Variants in UCK2 observed in about 807,000 individuals in gnomAD.
UCK2 encodes the protein cytidine monophosphokinase 2.
A neutral mutation model predicts 30.8 loss-of-function variants in UCK2; 6 were observed. The ratio of observed to expected loss-of-function variants is 0.19; its 90% confidence interval spans 0.11 to 0.38. UCK2 has a LOEUF of 0.38. Ranked by LOEUF, UCK2 falls within the 10% of genes least tolerant of loss-of-function variation. UCK2 has a pLI of 1.00. For synonymous variants in UCK2, 125 were observed against 133.6 expected (o/e 0.94, Z 0.45); for missense variants, 210 against 339.8 (o/e 0.62, Z 3.00).
chr1:165,903,113 C>T lies in UCK2; in HGVS notation c.500-69C>T, dbSNP rs1396996652. On this transcript the variant is annotated intron_variant, in intron 4 of 6. Transcript: ENST00000367879. ...GTGGAGCCTGTGGGAGCTAGGTCCA[C>T]CCCATGAAGGGCGGGTGTGTGCTGG... 5.7e-6 allele frequency: 7 copies of T among 1,234,986 alleles called. No individual in the cohort carries two copies. The African/African-American group carries it at 6.0e-5, about 11-fold the overall frequency. The allele number at this position is 1,234,986 out of a possible 1,614,324, so 76.5% of individuals were successfully genotyped here. A position where few individuals can be genotyped will look rare whatever the true frequency, so the allele number is the denominator to read the frequency against.
chr1:165,857,606 G>A (rs1654781256), intron 1 of UCK2, among the ~76,000 whole-genome samples: 1 of 152,168 alleles, frequency 6.6e-6, no homozygotes, highest in Non-Finnish European at 1.5e-5. Context: ...GTGCTGGGTG[G>A]CATTTCCAGA....
chr1:165,907,721 C>T lies in UCK2; in HGVS notation c.684C>T (p.Ile228=), dbSNP rs1293639714. ...TCATCGTGCAGCACATCCAGGACAT[C>T]CTGAATGGAGGGCCCTCCAAACGGC... is the stretch of plus-strand genomic sequence containing the variant. The part of the protein sequence containing the change: ...INLIVQHIQD[I]LNGGPSKRQT... The change falls in exon 7 of 7, where the codon ATC becomes ATT. Residue 228 remains isoleucine (I), a synonymous_variant. Transcript: ENST00000367879. 1.2e-6 allele frequency: 2 copies of T among 1,614,192 alleles called. No homozygotes were observed. Among genetic ancestry groups the T allele is most frequent in the Admixed American group, 1.7e-5 (1 of 60,030 alleles).
chr1:165,905,629 C>G (rs994314891), intron 5 of UCK2, among the ~76,000 whole-genome samples: 3 of 152,214 alleles, frequency 2.0e-5, no homozygotes, highest in African/African-American at 7.2e-5. Flanking sequence ...ACCATTTTCC[C>G]TCACTGATGC....
chr1:165,850,743 C>T (rs34800847), intron 1 of UCK2, among the ~76,000 whole-genome samples: 60,992 of 150,842 alleles, frequency 0.4, 13,487 homozygotes, highest in Non-Finnish European at 0.5. Flanking sequence ...CTCAGCCTCC[C>T]GAGTAGCTGA....
intron 1 of UCK2, among the ~76,000 whole-genome samples, chr1:165,840,359 G>A (rs998354213): frequency 2.0e-5 from 3 of 152,190 alleles, no homozygotes; most frequent in Non-Finnish European, 2.9e-5. Context: ...TAGCATATCT[G>A]TTACCTCACT....
Position 165,827,716 on chromosome 1 carries a change from G to A in UCK2, c.-118G>A. 1.1e-6 allele frequency: 1 copy of A among 937,852 alleles called. No homozygotes were observed. Among genetic ancestry groups the A allele is most frequent in the Non-Finnish European group, 1.4e-6 (1 of 708,604 alleles). 58.1% of individuals were successfully genotyped at this position (937,852 alleles called of 1,614,324 possible). On this transcript the variant is annotated 5_prime_UTR_variant, in exon 1 of 7. Transcript: ENST00000367879. ...AGCGGCTCGCAGGCGAGCGACAGCG[G>A]CCTCAGCCCCGGCAGCGCCCAGCGG...
At chr1:165,878,633 C>T (rs1334759793) in intron 1 of UCK2, among the ~76,000 whole-genome samples, 8 of 152,292 alleles carry the variant, frequency 5.3e-5, no homozygotes, top group African/African-American at 9.6e-5. Context: ...CGTAAGCCAC[C>T]GTGCCCGGCT....
intron 1 of UCK2, among the ~76,000 whole-genome samples, chr1:165,886,370 C>T (rs942055989): frequency 2.0e-5 from 3 of 152,156 alleles, no homozygotes; most frequent in African/African-American, 7.2e-5. Flanking sequence ...TCATGGCTCA[C>T]TGCAGCCTTG....
Position 165,907,998 on chromosome 1 carries a change from C to A in UCK2, c.*175C>A. The A allele has an allele frequency of 2.2e-6, 2 of 911,382 alleles. No individual in the cohort carries two copies. The highest frequency in any genetic ancestry group is 3.1e-6 in the Non-Finnish European group (2 of 639,050). 56.5% of individuals were successfully genotyped at this position (911,382 alleles called of 1,614,324 possible). On this transcript the variant is annotated 3_prime_UTR_variant, in exon 7 of 7. Coordinates refer to ENST00000367879, the MANE Select transcript of UCK2 (RefSeq NM_012474.5). ...TGTACTTTGGAACGACAAAATGAAA[C>A]AGAACTTGACCCTGAGCTTAAATAA...
At chr1:165,873,641 C>T (rs1371563725) in intron 1 of UCK2, among the ~76,000 whole-genome samples, 3 of 152,166 alleles carry the variant, frequency 2.0e-5, no homozygotes, top group Non-Finnish European at 4.4e-5. Flanking sequence ...CCTCCATATT[C>T]TCAACCCTTT....
chr1:165,908,433 C>CTTTT lies in UCK2; in HGVS notation c.*619_*622dup, dbSNP rs56051802. 2 of 123,806 alleles carry CTTTT rather than the reference C, an allele frequency of 1.6e-5. No individual in the cohort carries two copies. The highest frequency in any genetic ancestry group is 1.7e-5 in the Non-Finnish European group (1 of 58,942). 7.7% of individuals were successfully genotyped at this position (123,806 alleles called of 1,614,324 possible). The stretch of plus-strand genomic sequence containing the variant: ...CTCTTGTCTTTTTTTTTTTTCTTTT[C>CTTTT]TTTTTTTTTTTTGAGTTGAAATTAG... On this transcript the variant is annotated 3_prime_UTR_variant, in exon 7 of 7. Coordinates refer to ENST00000367879, the MANE Select transcript of UCK2 (RefSeq NM_012474.5).
rs1408160723 is a variant in UCK2, at chr1:165,910,197, C to G, written c.*2374C>G. Reference sequence around the variant, plus strand: ...ACAAGGAAGGGATGGAAGGCTCTACCCCTCCGTGGCAGCCCAGCATTTGGC... The same window carrying G: ...ACAAGGAAGGGATGGAAGGCTCTACGCCTCCGTGGCAGCCCAGCATTTGGC... On this transcript the variant is annotated 3_prime_UTR_variant, in exon 7 of 7. Transcript: ENST00000367879. 2.0e-5 allele frequency: 3 copies of G among 152,216 alleles called. No homozygotes were observed. In the East Asian group the frequency reaches 5.8e-4, roughly 29 times the overall value. The allele number at this position is 152,216 out of a possible 1,614,324, so 9.4% of individuals were successfully genotyped here. A position where few individuals can be genotyped will look rare whatever the true frequency, so the allele number is the denominator to read the frequency against.
At chr1:165,836,227 TCAAAACAAAAAA>T (rs1654187463) in intron 1 of UCK2, among the ~76,000 whole-genome samples, 2 of 146,990 alleles carry the variant, frequency 1.4e-5, no homozygotes, top group Non-Finnish European at 2.9e-5. Flanking sequence ...AGACTCCGTC[TCAAAACAAAAAA>T]CAAAACAAAA....
intron 1 of UCK2, among the ~76,000 whole-genome samples, chr1:165,855,334 A>G (rs1338122926): frequency 3.3e-5 from 5 of 152,172 alleles, no homozygotes; most frequent in Non-Finnish European, 5.9e-5. Context: ...ATTTTGCAGC[A>G]AAGATGTCCC....
At chr1:165,828,434 A>G (rs1200499229) in intron 1 of UCK2, among the ~76,000 whole-genome samples, 1 of 152,144 alleles carries the variant, frequency 6.6e-6, no homozygotes, top group Non-Finnish European at 1.5e-5. Flanking sequence ...GGAACGCGCG[A>G]GGCGGCATCC....
rs1420259350 is a variant in UCK2, at chr1:165,903,000, A to AATGT, written c.500-180_500-177dup. On this transcript the variant is annotated intron_variant, in intron 4 of 6. Transcript: ENST00000367879. ...AAGTTTGACCATTGTAAGATGTCAGAATGTAACTTGTCTTTTCCGAAGCCG... is the reference window on the plus strand; with the variant it reads ...AAGTTTGACCATTGTAAGATGTCAGAATGTATGTAACTTGTCTTTTCCGAAGCCG... 6 of 461,244 alleles carry AATGT rather than the reference A, an allele frequency of 1.3e-5. No individual in the cohort carries two copies. The Admixed American group carries it at 1.9e-4, about 15-fold the overall frequency. 28.6% of individuals were successfully genotyped at this position (461,244 alleles called of 1,614,324 possible).
chr1:165,877,841 T>C (rs540519209), intron 1 of UCK2, among the ~76,000 whole-genome samples: 2 of 152,192 alleles, frequency 1.3e-5, no homozygotes, highest in South Asian at 2.1e-4. Flanking sequence ...TAAAGAGCAG[T>C]TTTAGGTTCC....
At chr1:165,875,216 C>T (rs967010775) in intron 1 of UCK2, among the ~76,000 whole-genome samples, 1 of 152,100 alleles carries the variant, frequency 6.6e-6, no homozygotes, top group Non-Finnish European at 1.5e-5. Context: ...GGTATGGTTA[C>T]CTGCAGTTTA....
chr1:165,887,892 A>T (rs902294817), intron 1 of UCK2, among the ~76,000 whole-genome samples: 12 of 152,146 alleles, frequency 7.9e-5, no homozygotes, highest in African/African-American at 2.7e-4. Flanking sequence ...GCATGGGAGG[A>T]TCTGTGGTCC....
Sources: gnomAD v4.1 joint callset for allele counts (sites outside exome capture counted in the v4.1 genomes callset) on GRCh38, gnomAD v4.1.1 for gene constraint, MANE v1.5 for transcripts, NCBI Gene and HGNC (gene_info 2026-07-23, HGNC 2026-07-21) for gene names.